The following TAFA2 variants were observed in gnomAD, a reference collection of about 807,000 sequenced individuals.
TAFA2 encodes the protein chemokine-like protein TAFA-2.
In TAFA2, 7 loss-of-function variants were observed where a neutral mutation model predicts 18.8. The observed-to-expected ratio is 0.37, with a 90% CI of 0.21 to 0.70. The LOEUF (loss-of-function observed/expected upper bound fraction) is 0.70. Among genes scored for constraint, TAFA2 ranks in the 30% least tolerant of loss-of-function variants. The probability of loss-of-function intolerance (pLI) is 0.53; values close to 1 mark genes in which losing one functional copy is unlikely to be tolerated. For synonymous variants in TAFA2, 60 were observed against 54.2 expected, an observed-to-expected ratio of 1.11 and a Z score of -0.47; for missense variants, 122 against 158.1, an observed-to-expected ratio of 0.77 and a Z score of 1.23.
chr12:61,884,732 A>C (rs1266350679), intron 1 of TAFA2, among the ~76,000 whole-genome samples: 1 of 152,202 alleles, frequency 6.6e-6, no homozygotes, highest in Non-Finnish European at 1.5e-5. Flanking sequence ...CTAGGCTACC[A>C]ATTTGCACTG....
intron 1 of TAFA2, among the ~76,000 whole-genome samples, chr12:62,166,404 A>G (rs964187398): frequency 1.3e-5 from 2 of 152,186 alleles, no homozygotes; most frequent in Admixed American, 6.5e-5. Context: ...ACTTCTGGGA[A>G]TCCATCACAA....
intron 1 of TAFA2, among the ~76,000 whole-genome samples, chr12:62,188,689 A>C (rs2062602211): frequency 6.6e-6 from 1 of 152,212 alleles, no homozygotes; most frequent in Non-Finnish European, 1.5e-5. Flanking sequence ...TGATCATCAA[A>C]ATACTACATT....
upstream of TAFA2, among the ~76,000 whole-genome samples, chr12:62,194,330 C>CATACA (rs1555197318): frequency 6.6e-6 from 1 of 151,532 alleles, no homozygotes. Context: ...CACACACATA[C>CATACA]AAAAAAACAT....
At chr12:61,942,610 G>T (rs2121425386) in intron 1 of TAFA2, among the ~76,000 whole-genome samples, 1 of 64,988 alleles carries the variant, frequency 1.5e-5, no homozygotes, top group South Asian at 8.3e-4. Flanking sequence ...GTGCTTAAAG[G>T]AGCTGATGGA....
chr12:61,938,596 C>T (rs1428286890), intron 1 of TAFA2, among the ~76,000 whole-genome samples: 2 of 152,068 alleles, frequency 1.3e-5, no homozygotes, highest in African/African-American at 4.8e-5. Flanking sequence ...CAAAAAGACA[C>T]CTGCATGCAT....
intron 1 of TAFA2, among the ~76,000 whole-genome samples, chr12:62,121,048 T>G (rs543557188): frequency 6.6e-6 from 1 of 152,032 alleles, no homozygotes; most frequent in East Asian, 1.9e-4. Flanking sequence ...GAGACGGGGT[T>G]TCTCCATGTT....
intron 2 of TAFA2, among the ~76,000 whole-genome samples, chr12:61,784,855 T>A (rs899272680): frequency 7.9e-5 from 12 of 151,542 alleles, no homozygotes; most frequent in South Asian, 4.1e-4. Flanking sequence ...TAATTGTATA[T>A]ATTTATGGAA....
At chr12:61,934,706 G>C (rs893084888) in intron 1 of TAFA2, among the ~76,000 whole-genome samples, 2 of 152,192 alleles carry the variant, frequency 1.3e-5, no homozygotes, top group African/African-American at 4.8e-5. Context: ...CATCTCAGAA[G>C]CTGTGTTTCA....
At chr12:62,144,544 G>A (rs547567685) in intron 1 of TAFA2, among the ~76,000 whole-genome samples, 13 of 152,284 alleles carry the variant, frequency 8.5e-5, no homozygotes, top group African/African-American at 2.9e-4. Context: ...CATTGTGGTA[G>A]TACACAAATT....
intron 1 of TAFA2, among the ~76,000 whole-genome samples, chr12:62,169,019 T>G (rs912453055): frequency 6.6e-6 from 1 of 151,868 alleles, no homozygotes; most frequent in Non-Finnish European, 1.5e-5. Flanking sequence ...TTGGGGAAAT[T>G]TCAACACTGA....
At chr12:61,742,237 T>C (rs1287778150) in intron 4 of TAFA2, among the ~76,000 whole-genome samples, 2 of 152,172 alleles carry the variant, frequency 1.3e-5, no homozygotes, top group African/African-American at 4.8e-5. Context: ...CAGTGCATTC[T>C]GTTTTAAATG....
intron 1 of TAFA2, among the ~76,000 whole-genome samples, chr12:62,066,294 A>G (rs972250249): frequency 2.6e-5 from 4 of 151,936 alleles, no homozygotes; most frequent in Non-Finnish European, 4.4e-5. Context: ...CAATCCAATT[A>G]TACTCTTTTA....
rs570368466 is a variant in TAFA2, at chr12:61,960,005, G to A, written c.-1-92579C>T. ...TCCTTCCACCTCTGTGTCCTGAGTA[G>A]CTTGGACTATAGGTGTATACCACCG... On this transcript the variant is annotated intron_variant, in intron 1 of 4. Coordinates refer to ENST00000416284, the MANE Select transcript of TAFA2 (RefSeq NM_178539.5). 2.0e-5 allele frequency among the ~76,000 whole-genome samples: 3 copies of A among 152,072 alleles called. No individual in the cohort carries two copies. The South Asian group carries it at 6.2e-4, about 32-fold the overall frequency.
chr12:62,016,827 G>A (rs1488513804), intron 1 of TAFA2, among the ~76,000 whole-genome samples: 1 of 152,126 alleles, frequency 6.6e-6, no homozygotes, highest in East Asian at 1.9e-4. Context: ...AAAAGGATGA[G>A]ACAAAAGAAA....
At chr12:61,938,461 C>A (rs1877865067) in intron 1 of TAFA2, among the ~76,000 whole-genome samples, 1 of 151,874 alleles carries the variant, frequency 6.6e-6, no homozygotes, top group African/African-American at 2.4e-5. Context: ...GACACTGGAG[C>A]CTACTTGAGG....
At chr12:62,162,008 T>G (rs891022213) in intron 1 of TAFA2, among the ~76,000 whole-genome samples, 2 of 152,232 alleles carry the variant, frequency 1.3e-5, no homozygotes, top group Non-Finnish European at 2.9e-5. Context: ...ATAAATGCTA[T>G]TAAGTGAAGA....
chr12:62,176,940 C>T (rs2062518105), intron 1 of TAFA2, among the ~76,000 whole-genome samples: 1 of 152,200 alleles, frequency 6.6e-6, no homozygotes, highest in Non-Finnish European at 1.5e-5. Flanking sequence ...CTCATGTTTG[C>T]TTCCTACAAG....
chr12:61,790,521 G>A (rs1232045490), intron 2 of TAFA2, among the ~76,000 whole-genome samples: 1 of 151,782 alleles, frequency 6.6e-6, no homozygotes, highest in Non-Finnish European at 1.5e-5. Context: ...TAGTAAAACT[G>A]CAGCATACAA....
At chr12:62,229,671 C>A (rs1038822682) in intron 1 of TAFA2, among the ~76,000 whole-genome samples, 4 of 145,568 alleles carry the variant, frequency 2.7e-5, no homozygotes, top group Non-Finnish European at 4.6e-5. Context: ...CCTGTATTTT[C>A]TTTTTTTTTT....
Sources: allele counts gnomAD v4.1 joint callset (sites outside exome capture counted in the v4.1 genomes callset), GRCh38; gene constraint gnomAD v4.1.1; transcripts MANE v1.5; gene names NCBI Gene and HGNC (gene_info 2026-07-23, HGNC 2026-07-21).